The following NTNG1 variants were observed in gnomAD, a reference collection of about 807,000 sequenced individuals.
The protein encoded by NTNG1 is netrin-G1.
A neutral mutation model predicts 54.0 loss-of-function variants in NTNG1; 16 were observed. The ratio of observed to expected loss-of-function variants is 0.30; its 90% CI spans 0.20 to 0.45. The LOEUF (loss-of-function observed/expected upper bound fraction) is 0.45, where lower values mean the gene tolerates loss of function less well. Among genes scored for constraint, NTNG1 ranks in the 20% least tolerant of loss-of-function variants. The pLI is 1.00. For synonymous variants in NTNG1, 255 were observed against 263.1 expected, an observed-to-expected ratio of 0.97 and a Z score of 0.30; for missense variants, 530 against 678.7, an observed-to-expected ratio of 0.78 and a Z score of 2.43.
chr1:107,331,342 C>G (rs1321995605), intron 3 of NTNG1, among the ~76,000 whole-genome samples: 2 of 152,054 alleles, frequency 1.3e-5, no homozygotes, highest in East Asian at 3.9e-4. Context: ...GGGAGTCACA[C>G]TCTCCATGGC....
chr1:107,463,479 T>C (rs191179969), intron 7 of NTNG1, among the ~76,000 whole-genome samples: 8 of 152,296 alleles, frequency 5.3e-5, no homozygotes, highest in Non-Finnish European at 1.2e-4. Context: ...TTTCATCTTA[T>C]TAGTTATGTA....
chr1:107,450,552 G>A lies in NTNG1; in HGVS notation c.1390+13753G>A, dbSNP rs149503702. On this transcript the variant is annotated intron_variant, in intron 7 of 7. Transcript: ENST00000370068. ...TTACAAACAAATGACATAATAAAAC[G>A]AAAGCTATGATAATCATGGCTCCTT... 4.1e-4 allele frequency among the ~76,000 whole-genome samples: 62 copies of A among 151,858 alleles called. No individual in the cohort carries two copies. In the East Asian group the frequency reaches 8.5e-3, roughly 21 times the overall value.
At chr1:107,375,290 C>T (rs1671164310) in intron 3 of NTNG1, among the ~76,000 whole-genome samples, 1 of 152,232 alleles carries the variant, frequency 6.6e-6, no homozygotes, top group African/African-American at 2.4e-5. Context: ...CCTTTCTACA[C>T]TCTGGCAAGC....
intron 2 of NTNG1, among the ~76,000 whole-genome samples, chr1:107,244,668 TCTC>T (rs1236065658): frequency 6.6e-6 from 1 of 152,192 alleles, no homozygotes; most frequent in East Asian, 1.9e-4. Flanking sequence ...CCTTCCTCCT[TCTC>T]CTGCCAGCTC....
At chr1:107,452,347 C>G (rs1374361497) in intron 7 of NTNG1, among the ~76,000 whole-genome samples, 1 of 152,142 alleles carries the variant, frequency 6.6e-6, no homozygotes, top group African/African-American at 2.4e-5. Context: ...TTATGTGTGT[C>G]TATCAAGGAA....
chr1:107,286,000 C>T (rs1665172961), intron 2 of NTNG1, among the ~76,000 whole-genome samples: 1 of 152,132 alleles, frequency 6.6e-6, no homozygotes, highest in Admixed American at 6.6e-5. Flanking sequence ...GAAGGAAACA[C>T]ATCAAAGAGA....
chr1:107,235,427 G>T (rs1340949600), intron 2 of NTNG1, among the ~76,000 whole-genome samples: 1 of 152,130 alleles, frequency 6.6e-6, no homozygotes, highest in Non-Finnish European at 1.5e-5. Context: ...ATACTGGTAG[G>T]AACATGTCAA....
chr1:107,326,663 T>C (rs1173981773), intron 3 of NTNG1, among the ~76,000 whole-genome samples: 1 of 152,122 alleles, frequency 6.6e-6, no homozygotes, highest in Non-Finnish European at 1.5e-5. Context: ...GGTAGATTCA[T>C]CTAGGTCAAT....
intron 7 of NTNG1, among the ~76,000 whole-genome samples, chr1:107,443,554 T>G (rs1676114817): frequency 6.6e-6 from 1 of 152,116 alleles, no homozygotes; most frequent in African/African-American, 2.4e-5. Context: ...TTTTCAATGT[T>G]TCTAGTTGCT....
At chr1:107,314,760 C>A (rs1030211445) in intron 2 of NTNG1, among the ~76,000 whole-genome samples, 1 of 152,192 alleles carries the variant, frequency 6.6e-6, no homozygotes, top group Admixed American at 6.5e-5. Context: ...AGAACATTGA[C>A]TGTTAACTCA....
At chr1:107,312,228 T>C (rs1239800757) in intron 2 of NTNG1, among the ~76,000 whole-genome samples, 1 of 152,162 alleles carries the variant, frequency 6.6e-6, no homozygotes, top group African/African-American at 2.4e-5. Context: ...ATTTCATCTG[T>C]AGACTTCTTT....
chr1:107,234,358 A>G (rs7524272), intron 2 of NTNG1, among the ~76,000 whole-genome samples: 12,382 of 152,120 alleles, frequency 0.081, 758 homozygotes, highest in African/African-American at 0.18. Context: ...CCTGACCTCA[A>G]GTAATCTGCC....
chr1:107,233,710 G>A (rs1221611334), intron 2 of NTNG1, among the ~76,000 whole-genome samples: 1 of 152,172 alleles, frequency 6.6e-6, no homozygotes, highest in Non-Finnish European at 1.5e-5. Context: ...ACATGGAATA[G>A]AAATCTTACT....
intron 3 of NTNG1, among the ~76,000 whole-genome samples, chr1:107,387,341 G>A (rs1303886461): frequency 1.3e-5 from 2 of 152,186 alleles, no homozygotes; most frequent in Non-Finnish European, 1.5e-5. Flanking sequence ...GAGAGGGCTT[G>A]CATAAGCCTC....
intron 2 of NTNG1, among the ~76,000 whole-genome samples, chr1:107,242,182 A>C (rs1661878699): frequency 6.7e-6 from 1 of 150,002 alleles, no homozygotes; most frequent in Admixed American, 6.6e-5. Context: ...AGGGGGGGTG[A>C]GGGGATGGGG....
chr1:107,473,588 CA>C (rs941820661), intron 7 of NTNG1, among the ~76,000 whole-genome samples: 4 of 151,942 alleles, frequency 2.6e-5, no homozygotes, highest in Non-Finnish European at 4.4e-5. Flanking sequence ...AGAAACCCAC[CA>C]AAAAAATGAA....
chr1:107,308,331 T>C (rs1182956271), intron 2 of NTNG1, among the ~76,000 whole-genome samples: 1 of 152,148 alleles, frequency 6.6e-6, no homozygotes, highest in East Asian at 1.9e-4. Flanking sequence ...TTTTTGTGTA[T>C]GGTGTAAGGA....
At chr1:107,146,966 T>A (rs1654169286) in intron 1 of NTNG1, among the ~76,000 whole-genome samples, 2 of 152,092 alleles carry the variant, frequency 1.3e-5, no homozygotes, top group African/African-American at 4.8e-5. Context: ...ATTGTAGGCT[T>A]TTTTGTCCTT....
At chr1:107,414,615 G>GA (rs558208390) in intron 5 of NTNG1, among the ~76,000 whole-genome samples, 91 of 151,958 alleles carry the variant, frequency 6.0e-4, no homozygotes, top group African/African-American at 2.0e-3. Context: ...AATTAATACT[G>GA]AAAAAAATAG....
Sources: allele counts gnomAD v4.1 joint callset (sites outside exome capture counted in the v4.1 genomes callset), GRCh38; gene constraint gnomAD v4.1.1; transcripts MANE v1.5; gene names NCBI Gene and HGNC (gene_info 2026-07-23, HGNC 2026-07-21).